CCDC78: variants seen among roughly 807,000 people sequenced by gnomAD.
CCDC78 encodes the protein coiled-coil domain-containing protein 78.
Under a neutral mutation model 61.9 loss-of-function variants are expected in CCDC78, and 78 were observed. That is an observed-to-expected ratio of 1.26 (90% confidence interval 1.05 to 1.52). The LOEUF (loss-of-function observed/expected upper bound fraction) is 1.52. CCDC78 is among the 40% of genes most tolerant of loss of function. CCDC78 has a pLI of 0.00. For missense variants in CCDC78, 737 were observed against 615.5 expected, an observed-to-expected ratio of 1.20 and a Z score of -2.09; for synonymous variants, 287 against 251.9, an observed-to-expected ratio of 1.14 and a Z score of -1.32.
chr16:726,459 G>T, upstream of CCDC78: 1 of 1,435,052 alleles, frequency 7.0e-7, no homozygotes, highest in Non-Finnish European at 9.2e-7. Context: ...TGCTAAGTGC[G>T]TTGCCAAGGC....
At position 726,164 on chromosome 16, in the gene CCDC78, C is replaced by T. The variant is rs367581181; in HGVS notation, c.61-79G>A. On this transcript the variant is annotated intron_variant, in intron 1 of 13. Coordinates refer to ENST00000345165, the MANE Select transcript of CCDC78 (RefSeq NM_001378030.1). ...CCCACTCCCATGCAGTCACCAGTCCCGCCTCCCTGCCTGGCTGAGCTGTAA... is the reference window on the plus strand; with the variant it reads ...CCCACTCCCATGCAGTCACCAGTCCTGCCTCCCTGCCTGGCTGAGCTGTAA... 684 of 1,550,342 alleles carry T rather than the reference C, an allele frequency of 4.4e-4. 2 individuals are homozygous for T. The African/African-American group carries it at 7.8e-3, about 18-fold the overall frequency.
rs556100122 is a variant in CCDC78, at chr16:725,990, C to T, written c.156G>A (p.Ala52=). The change falls in exon 2 of 14, where the codon GCG becomes GCA. Residue 52 remains alanine (A), a synonymous_variant. Transcript: ENST00000345165. ...SLEAEVPPDL[A]LNKEQQLQIS... ...CCTGCAGCTGCTGCTCCTTATTGAG[C>T]GCTAGATCTGGTGGGACCTCTGCTT... 1.7e-5 allele frequency: 27 copies of T among 1,551,414 alleles called. No homozygotes were observed. Among genetic ancestry groups the T allele is most frequent in the African/African-American group, 1.1e-4 (8 of 73,278 alleles).
chr16:723,398 C>G (rs1258858277), intron 11 of CCDC78: 1 of 700,678 alleles, frequency 1.4e-6, no homozygotes, highest in East Asian at 2.7e-5. Context: ...GGCTAAACCA[C>G]AAGGCCAGCC....
At position 724,341 on chromosome 16, in the gene CCDC78, C is replaced by G; in HGVS notation, c.934G>C (p.Glu312Gln). The change falls in exon 9 of 14, where the codon GAG becomes CAG. Residue 312 changes from glutamate (E) to glutamine (Q), a missense_variant. Physicochemically the swap from Glu to Gln is conservative, Grantham distance 29. Transcript: ENST00000345165. ...GCCCACCTGTAGGCAACCAGTAGCT[C>G]TTCATGCCTGCGGCTCAGATCCACC... is the stretch of plus-strand genomic sequence containing the variant. ...RLVDLSRRHE[E>Q]LLVAYRAPGN... 2 of 1,612,204 alleles carry G rather than the reference C, an allele frequency of 1.2e-6. No individual in the cohort carries two copies. The highest frequency in any genetic ancestry group is 1.7e-6 in the Non-Finnish European group (2 of 1,179,700).
Position 724,746 on chromosome 16 carries a change from G to C in CCDC78, c.700C>G (p.Leu234Val). The C allele has an allele frequency of 6.2e-7, 1 of 1,612,192 alleles. No homozygotes were observed. Among genetic ancestry groups the C allele is most frequent in the Non-Finnish European group, 8.5e-7 (1 of 1,179,786 alleles). ...TCATCCTTCAGTTTCTTGAGCTGCA[G>C]CTGCAGCCGGGCATTTTCAGCCTCT... ...QAEAENARLQ[L>V]QLKKLKDEYV... The change falls in exon 8 of 14, where the codon CTG (leucine) becomes GTG (valine). Residue 234 changes from leucine to valine, a missense_variant. By Grantham distance (32) the Leu-to-Val change is conservative (BLOSUM62 1). Coordinates refer to ENST00000345165, the MANE Select transcript of CCDC78 (RefSeq NM_001378030.1).
Position 722,808 on chromosome 16 carries a change from C to T in CCDC78, c.1302-19G>A, listed in dbSNP as rs374237828. 23 of 1,612,128 alleles carry T rather than the reference C, an allele frequency of 1.4e-5. No homozygotes were observed. Among genetic ancestry groups the T allele is most frequent in the South Asian group, 2.2e-5 (2 of 91,078 alleles). On this transcript the variant is annotated intron_variant, in intron 13 of 13. Transcript: ENST00000345165. ...CTTGTACCTGCTCAGAGGAACCATGCTTAAGTGACTTGCCCAGCTGTGGAC... is the reference window on the plus strand; with the variant it reads ...CTTGTACCTGCTCAGAGGAACCATGTTTAAGTGACTTGCCCAGCTGTGGAC...
chr16:724,819 C>G lies in CCDC78; in HGVS notation c.640-13G>C. 2.5e-6 allele frequency: 4 copies of G among 1,611,648 alleles called. No homozygotes were observed. The highest frequency in any genetic ancestry group is 3.4e-6 in the Non-Finnish European group (4 of 1,179,692). On this transcript the variant is annotated splice_polypyrimidine_tract_variant and intron_variant, in intron 7 of 13. Coordinates refer to ENST00000345165, the MANE Select transcript of CCDC78 (RefSeq NM_001378030.1). ...AGCTGCACAGCACCTGGGGTGGAAG[C>G]AGCCCTCCACCTGTGCCCTGAGAGT...
In CCDC78 at chr16:722,768, C is replaced by T. The variant is rs146983005; in HGVS notation, c.1323G>A (p.Arg441=). 47 of 1,612,474 alleles carry T rather than the reference C, an allele frequency of 2.9e-5. No individual in the cohort carries two copies. The highest frequency in any genetic ancestry group is 1.0e-4 in the Admixed American group (6 of 60,002). The stretch of plus-strand genomic sequence containing the variant: ...CCCCTGCACCTGCCAGCTTCCTCAG[C>T]CTCAGGATTTCGTGCTTGTACCTGC... ...HLGRYKHEIL[R]LRKLAGAGDP... The change falls in exon 14 of 14, where the codon AGG becomes AGA. Residue 441 remains arginine, a synonymous_variant. Transcript: ENST00000345165.
chr16:725,173 G>A, intron 5 of CCDC78, 28 bp from the exon 6 acceptor site: 1 of 1,612,372 alleles, frequency 6.2e-7, no homozygotes, highest in East Asian at 2.2e-5. Context: ...CTGGCTGGAT[G>A]AGACCCTAGG....
intron 8 of CCDC78, 57 bp from the exon 9 acceptor site, chr16:724,566 C>A: frequency 5.1e-6 from 8 of 1,559,212 alleles, no homozygotes; most frequent in Non-Finnish European, 6.9e-6. Context: ...TCCAACCATC[C>A]CCCCACCCCA....
Position 725,428 on chromosome 16 carries a change from A to C in CCDC78, c.420T>G (p.Asp140Glu). 1.9e-6 allele frequency: 3 copies of C among 1,612,738 alleles called. No individual in the cohort carries two copies. The highest frequency in any genetic ancestry group is 2.5e-6 in the Non-Finnish European group (3 of 1,179,946). ...RHKAQVPGHS[D>E]DHRFQVQPKN... is the part of the protein sequence containing the mutation. ...TCATGGTAACCTGGAATCTGTGGTC[A>C]TCAGAGTGTCCAGGCACCTGGGCTT... The change falls in exon 4 of 14, where the codon GAT becomes GAG. Residue 140 changes from aspartate (D) to glutamate (E), a missense_variant. Transcript: ENST00000345165.
intron 2 of CCDC78, 25 bp downstream of exon 2, chr16:725,941 G>T: frequency 6.4e-7 from 1 of 1,568,572 alleles, no homozygotes; most frequent in Non-Finnish European, 8.7e-7. Flanking sequence ...CCCTCCTCAC[G>T]AGCACGCTGG....
rs1555486210 is a variant in CCDC78, at chr16:725,129, T to A, written c.509A>T (p.Lys170Met). The change falls in exon 6 of 14, where the codon AAG becomes ATG. Residue 170 changes from lysine to methionine, a missense_variant. Transcript: ENST00000345165. ...RLGSGLQGEV[K>M]WALEHQEARQ... Reference sequence around the variant, plus strand: ...GGCCTCCTGATGCTCCAGCGCCCACTTCACTTCCCCCTGCAGCTGTGGGGC... The same window carrying A: ...GGCCTCCTGATGCTCCAGCGCCCACATCACTTCCCCCTGCAGCTGTGGGGC... 1.2e-6 allele frequency: 2 copies of A among 1,612,672 alleles called. No homozygotes were observed. The highest frequency in any genetic ancestry group is 1.7e-5 in the Admixed American group (1 of 60,006).
rs746669448 is a variant in CCDC78, at chr16:722,592, C to G, written c.*86G>C. 1.6e-5 allele frequency: 26 copies of G among 1,592,124 alleles called. No homozygotes were observed. The East Asian group carries it at 5.6e-4, about 34-fold the overall frequency. ...ACGATAAAGACTCTGTGGGTTCTAT[C>G]CTGACTCATGTTTTATGGGGGGCTG... On this transcript the variant is annotated 3_prime_UTR_variant, in exon 14 of 14. Coordinates refer to ENST00000345165, the MANE Select transcript of CCDC78 (RefSeq NM_001378030.1).
rs1312171141 is a variant in CCDC78, at chr16:726,319, G to A, written c.49C>T (p.Arg17Trp). Residue 17 changes from arginine (R) to tryptophan (W), a missense_variant, in exon 1 of 14, where the codon CGG becomes TGG. Transcript: ENST00000345165. ...CCCAGAGGACTCACATTCTCCACCC[G>A]CCGAGAGGGAGGTCCAGGCCTGGGG... ...TGPRPGPPSRRVENVVLRAKD... is the reference protein window; with the variant it reads ...TGPRPGPPSRWVENVVLRAKD... 3 of 1,548,038 alleles carry A rather than the reference G, an allele frequency of 1.9e-6. No homozygotes were observed. The highest frequency in any genetic ancestry group is 1.2e-5 in the South Asian group (1 of 84,054).
Position 725,411 on chromosome 16 carries a change from A to C in CCDC78, c.435+2T>G. The C allele has an allele frequency of 6.2e-7, 1 of 1,612,460 alleles. No homozygotes were observed. Among genetic ancestry groups the C allele is most frequent in the Non-Finnish European group, 8.5e-7 (1 of 1,179,856 alleles). On this transcript the variant is annotated splice_donor_variant, in intron 4 of 13. Transcript: ENST00000345165. LOFTEE classifies it high-confidence loss of function. ...CCAGGCTCTCCATATGCTCATGGTA[A>C]CCTGGAATCTGTGGTCATCAGAGTG... is the stretch of plus-strand genomic sequence containing the variant.
intron 3 of CCDC78, 41 bp downstream of exon 3, chr16:725,753 C>T (rs1164956113): frequency 1.3e-6 from 2 of 1,582,020 alleles, no homozygotes; most frequent in Non-Finnish European, 1.7e-6. Context: ...CCTGCACCCC[C>T]CGTCCCCCAT....
upstream of CCDC78, chr16:726,501 C>T (rs552675801): frequency 3.1e-5 from 35 of 1,119,610 alleles, no homozygotes; most frequent in African/African-American, 3.8e-4. Flanking sequence ...CCCAGGGCAC[C>T]GCCCACAGGG....
Position 724,709 on chromosome 16 carries a change from C to A in CCDC78, c.737G>T (p.Arg246Leu), listed in dbSNP as rs147606575. The A allele has an allele frequency of 6.2e-7, 1 of 1,611,818 alleles. No homozygotes were observed. The highest frequency in any genetic ancestry group is 1.1e-5 in the South Asian group (1 of 90,966). ...LKKLKDEYVL[R>L]LQHCAWQAVE... ...TGCCTGCCAGGCGCAGTGTTGCAGCCGTAGGACGTACTCATCCTTCAGTTT... is the reference window on the plus strand; with the variant it reads ...TGCCTGCCAGGCGCAGTGTTGCAGCAGTAGGACGTACTCATCCTTCAGTTT... Residue 246 changes from arginine to leucine, a missense_variant, in exon 8 of 14, where the codon CGG (arginine) becomes CTG (leucine). By Grantham distance (102) the Arg-to-Leu change is moderately radical (BLOSUM62 -2). Transcript: ENST00000345165.
Sources: gnomAD v4.1 joint callset for allele counts on GRCh38, gnomAD v4.1.1 for gene constraint, MANE v1.5 for transcripts, NCBI Gene and HGNC (gene_info 2026-07-23, HGNC 2026-07-21) for gene names.